The following ZNF251 variants were observed in gnomAD, a reference collection of about 807,000 sequenced individuals.
The protein encoded by ZNF251 is zinc finger protein 251.
Under a neutral mutation model 13.5 loss-of-function variants are expected in ZNF251, and 14 were observed. The ratio of observed to expected loss-of-function variants is 1.04; its 90% CI spans 0.69 to 1.63. ZNF251 has a LOEUF of 1.63. Among genes scored for constraint, ZNF251 ranks in the 40% most tolerant of loss-of-function variants. The pLI, the probability that ZNF251 is intolerant of heterozygous loss-of-function variation, is 0.00. For synonymous variants in ZNF251, 287 were observed against 295.2 expected (o/e 0.97, Z 0.28); for missense variants, 764 against 834.9 (o/e 0.92, Z 1.05).
chr8:144,742,750 T>C (rs1824223261), intron 4 of ZNF251, among the ~76,000 whole-genome samples: 1 of 152,164 alleles, frequency 6.6e-6, no homozygotes. Flanking sequence ...TGTCACATAG[T>C]TGGAATCATA....
intron 4 of ZNF251, among the ~76,000 whole-genome samples, chr8:144,749,075 G>A (rs1824566760): frequency 6.6e-6 from 1 of 152,200 alleles, no homozygotes; most frequent in Non-Finnish European, 1.5e-5. Flanking sequence ...TGATGTGGGA[G>A]GATCGCTTGA....
intron 4 of ZNF251, among the ~76,000 whole-genome samples, chr8:144,750,643 C>T (rs573185036): frequency 6.6e-6 from 1 of 152,260 alleles, no homozygotes; most frequent in Non-Finnish European, 1.5e-5. Context: ...TAATAGAGCT[C>T]CTGGAGGTAA....
chr8:144,748,522 CT>C (rs1023970710), intron 4 of ZNF251, among the ~76,000 whole-genome samples: 2 of 151,096 alleles, frequency 1.3e-5, no homozygotes, highest in Non-Finnish European at 3.0e-5. Flanking sequence ...GGCTTCTTTT[CT>C]TTTTTTTTGT....
intron 4 of ZNF251, among the ~76,000 whole-genome samples, chr8:144,726,976 C>A (rs1424774933): frequency 6.6e-6 from 1 of 152,154 alleles, no homozygotes; most frequent in African/African-American, 2.4e-5. Flanking sequence ...ACCACTTGAG[C>A]CCAGGAGTTT....
intron 4 of ZNF251, among the ~76,000 whole-genome samples, chr8:144,727,970 G>T (rs533924688): frequency 5.0e-4 from 76 of 152,228 alleles, no homozygotes; most frequent in Middle Eastern, 3.4e-3. Flanking sequence ...GATCCACCAC[G>T]CCTGAAGAAG....
chr8:144,731,081 C>T (rs975942700), intron 4 of ZNF251, among the ~76,000 whole-genome samples: 6 of 152,158 alleles, frequency 3.9e-5, no homozygotes, highest in Non-Finnish European at 8.8e-5. Flanking sequence ...CCCGGAGGAC[C>T]GAGGAAGCCC....
rs752698031 is a variant in ZNF251 at position 144,755,427 on chromosome 8, C to A, written c.-98G>T. 6 of 1,287,844 alleles carry A rather than the reference C, an allele frequency of 4.7e-6. No individual in the cohort carries two copies. Among genetic ancestry groups the A allele is most frequent in the Admixed American group, 2.3e-5 (1 of 43,578 alleles). 79.8% of individuals were successfully genotyped at this position (1,287,844 alleles called of 1,614,324 possible). ...CACCTGTTTGCTCGACCCGGGGAAG[C>A]CACCGAGGAAGCGCCGAGGAGCTGC... On this transcript the variant is annotated 5_prime_UTR_variant, in exon 1 of 5. Coordinates refer to ENST00000292562, the MANE Select transcript of ZNF251 (RefSeq NM_138367.2).
chr8:144,752,804 T>C (rs945367773), intron 4 of ZNF251, among the ~76,000 whole-genome samples: 1 of 152,180 alleles, frequency 6.6e-6, no homozygotes, highest in Non-Finnish European at 1.5e-5. Context: ...TAAAGTGTTA[T>C]ATGTTCTGAC....
At chr8:144,747,307 G>T (rs2130065486) in intron 4 of ZNF251, among the ~76,000 whole-genome samples, 1 of 152,276 alleles carries the variant, frequency 6.6e-6, no homozygotes. Context: ...TGTCATTGTG[G>T]TCTGAGAATA....
At chr8:144,723,995 G>A (rs1823444267) in intron 4 of ZNF251, among the ~76,000 whole-genome samples, 1 of 152,182 alleles carries the variant, frequency 6.6e-6, no homozygotes, top group Non-Finnish European at 1.5e-5. Context: ...CGTAATCCCA[G>A]CACTTTGGGA....
chr8:144,736,843 C>T lies in ZNF251; in HGVS notation c.278-13461G>A, dbSNP rs138516902. On this transcript the variant is annotated intron_variant, in intron 4 of 4. Coordinates refer to ENST00000292562, the MANE Select transcript of ZNF251 (RefSeq NM_138367.2). ...TGGAGGTTTTTTTTGGTTCTTGTTG[C>T]CCAGTTTGAAGTGCAATGGCGTGGT... Among the ~76,000 whole-genome samples the T allele has an allele frequency of 5.2e-3, 789 of 150,634 alleles. 8 individuals carry two copies. The highest frequency in any genetic ancestry group is 0.018 in the African/African-American group (737 of 40,922).
intron 4 of ZNF251, among the ~76,000 whole-genome samples, chr8:144,731,105 T>C (rs1672521939): frequency 1.3e-5 from 2 of 152,130 alleles, no homozygotes; most frequent in Non-Finnish European, 2.9e-5. Flanking sequence ...GATGTTAGGG[T>C]TCACTACACT....
chr8:144,750,212 T>G (rs1824629776), intron 4 of ZNF251, among the ~76,000 whole-genome samples: 2 of 152,198 alleles, frequency 1.3e-5, no homozygotes, highest in African/African-American at 4.8e-5. Context: ...CTTTTAAGTA[T>G]GCTTTGTAAT....
Position 144,723,191 on chromosome 8 carries a change from T to C in ZNF251, c.469A>G (p.Lys157Glu). The change falls in exon 5 of 5, where the codon AAA becomes GAA. Residue 157 changes from lysine to glutamate, a missense_variant. By Grantham distance (56) the Lys-to-Glu change is moderately conservative. Coordinates refer to ENST00000292562, the MANE Select transcript of ZNF251 (RefSeq NM_138367.2). ...VGNSAGQSLN[K>E]PNIHKRVLTE... ...AAAACTCTCTTGTGAATATTGGGTT[T>C]GTTCAAACTCTGCCCGGCAGAATTT... The C allele has an allele frequency of 6.2e-7, 1 of 1,612,232 alleles. No individual in the cohort carries two copies. Among genetic ancestry groups the C allele is most frequent in the Non-Finnish European group, 8.5e-7 (1 of 1,179,024 alleles).
intron 4 of ZNF251, among the ~76,000 whole-genome samples, chr8:144,743,615 T>C (rs1031671116): frequency 2.5e-4 from 38 of 152,196 alleles, no homozygotes; most frequent in African/African-American, 8.7e-4. Flanking sequence ...GGTAAAGGTA[T>C]GTTTAGTTTT....
At chr8:144,728,561 G>C (rs1181090181) in intron 4 of ZNF251, among the ~76,000 whole-genome samples, 1 of 151,466 alleles carries the variant, frequency 6.6e-6, no homozygotes, top group East Asian at 1.9e-4. Context: ...TACCCGGGAG[G>C]CTGAGGCAGG....
intron 2 of ZNF251, 70 bp from the exon 3 acceptor site, chr8:144,754,391 C>G: frequency 6.7e-7 from 1 of 1,488,282 alleles, no homozygotes; most frequent in South Asian, 1.4e-5. Context: ...AGGGCCCTGA[C>G]CTGGTGGGGC....
At chr8:144,745,073 G>A (rs573967837) in intron 4 of ZNF251, among the ~76,000 whole-genome samples, 108 of 152,212 alleles carry the variant, frequency 7.1e-4, no homozygotes, top group Middle Eastern at 3.4e-3. Context: ...GACGGGGAGC[G>A]GGAGGGGAAG....
chr8:144,733,105 C>T (rs1479883041), intron 4 of ZNF251, among the ~76,000 whole-genome samples: 1 of 151,220 alleles, frequency 6.6e-6, no homozygotes, highest in Non-Finnish European at 1.5e-5. Flanking sequence ...GCCTGTAGTC[C>T]CAGGTACACG....
Sources: gnomAD v4.1 joint callset for allele counts (sites outside exome capture counted in the v4.1 genomes callset) on GRCh38, gnomAD v4.1.1 for gene constraint, MANE v1.5 for transcripts, NCBI Gene and HGNC (gene_info 2026-07-23, HGNC 2026-07-21) for gene names.